TMEM117: variants seen among roughly 807,000 people sequenced by gnomAD.
TMEM117 encodes the protein transmembrane protein 117.
Under a neutral mutation model 52.4 loss-of-function variants are expected in TMEM117, and 27 were observed. The observed-to-expected ratio is 0.51, with a 90% CI of 0.38 to 0.71. The LOEUF (loss-of-function observed/expected upper bound fraction) is 0.71, where lower values mean the gene tolerates loss of function less well. Ranked by LOEUF, TMEM117 falls within the 30% of genes least tolerant of loss-of-function variation. The probability of loss-of-function intolerance (pLI) is 0.00; values close to 1 mark genes in which losing one functional copy is unlikely to be tolerated. For synonymous variants in TMEM117, 215 were observed against 206.3 expected (o/e 1.04, Z -0.36); for missense variants, 556 against 630.5 (o/e 0.88, Z 1.26).
chr12:44,181,638 AG>A (rs1949200910), intron 4 of TMEM117, among the ~76,000 whole-genome samples: 2 of 151,922 alleles, frequency 1.3e-5, no homozygotes, highest in South Asian at 4.2e-4. Flanking sequence ...TGTTTTTGTC[AG>A]GTTTGTTAAA....
chr12:44,370,368 A>T (rs555854434), intron 6 of TMEM117, among the ~76,000 whole-genome samples: 2 of 152,316 alleles, frequency 1.3e-5, no homozygotes, highest in Non-Finnish European at 2.9e-5. Context: ...TAGGGAAAAA[A>T]ATAAGACAAC....
At chr12:43,807,123 G>A in the TMEM117 span, among the ~76,000 whole-genome samples, 13 of 152,106 alleles carry the variant, frequency 8.5e-5, no homozygotes, top group Non-Finnish European at 1.9e-4. Context: ...GTTTTGTGGG[G>A]GGTTTGGTTT....
At chr12:44,330,089 C>T (rs966937284) in intron 6 of TMEM117, among the ~76,000 whole-genome samples, 4 of 151,780 alleles carry the variant, frequency 2.6e-5, no homozygotes, top group Non-Finnish European at 5.9e-5. Flanking sequence ...GAGGAAGTGC[C>T]GTACCGTTTA....
At chr12:44,010,363 G>C (rs551600986) in intron 3 of TMEM117, 25 of 387,250 alleles carry the variant, frequency 6.5e-5, no homozygotes, top group Non-Finnish European at 9.9e-5. Context: ...TTGAAGCTCT[G>C]TTCCTGCGCC....
chr12:44,106,144 G>A lies in TMEM117; in HGVS notation c.411-37381G>A, dbSNP rs536380113. Among the ~76,000 whole-genome samples the A allele has an allele frequency of 1.6e-4, 24 of 152,162 alleles. No homozygotes were observed. In the South Asian group the frequency reaches 4.6e-3, roughly 29 times the overall value. On this transcript the variant is annotated intron_variant, in intron 3 of 7. Coordinates refer to ENST00000266534, the MANE Select transcript of TMEM117 (RefSeq NM_032256.3). The stretch of plus-strand genomic sequence containing the variant: ...CCTGTCTGTCTTTCCAGTTTTGGGG[G>A]CAGCAGCTTGCACTTCTCTGACAAA...
chr12:43,837,636 C>T (rs908747268), intron 1 of TMEM117, among the ~76,000 whole-genome samples: 2 of 152,198 alleles, frequency 1.3e-5, no homozygotes, highest in African/African-American at 4.8e-5. Context: ...TGAGCCACTG[C>T]TCCGGGCTGG....
intron 3 of TMEM117, among the ~76,000 whole-genome samples, chr12:44,091,117 G>A (rs928454174): frequency 3.9e-5 from 6 of 152,088 alleles, no homozygotes; most frequent in Non-Finnish European, 7.4e-5. Flanking sequence ...GGTGGGAGGT[G>A]AAAGGCACTT....
At chr12:44,196,078 C>T (rs1052832497) in intron 4 of TMEM117, among the ~76,000 whole-genome samples, 2 of 151,930 alleles carry the variant, frequency 1.3e-5, no homozygotes, top group Non-Finnish European at 2.9e-5. Context: ...CAGAGCAAAA[C>T]TATGCCTCTT....
intron 4 of TMEM117, among the ~76,000 whole-genome samples, chr12:44,153,725 C>T (rs776414511): frequency 2.6e-5 from 4 of 151,962 alleles, no homozygotes; most frequent in Admixed American, 6.6e-5. Flanking sequence ...CAGTTGTTTG[C>T]TCCACGTATT....
At chr12:43,809,446 T>C in the TMEM117 span, among the ~76,000 whole-genome samples, 1 of 152,256 alleles carries the variant, frequency 6.6e-6, no homozygotes, top group Non-Finnish European at 1.5e-5. Flanking sequence ...ATGGTTGTCA[T>C]GAAAATCAAG....
intron 3 of TMEM117, among the ~76,000 whole-genome samples, chr12:44,025,239 T>C (rs368897659): frequency 3.9e-5 from 6 of 152,182 alleles, no homozygotes; most frequent in African/African-American, 1.2e-4. Flanking sequence ...ATGAAACAGA[T>C]GTCAAGTTGA....
intron 5 of TMEM117, among the ~76,000 whole-genome samples, chr12:44,228,700 T>C (rs2138445710): frequency 6.6e-6 from 1 of 152,182 alleles, no homozygotes; most frequent in Middle Eastern, 3.4e-3. Flanking sequence ...AAGTGCAGTA[T>C]ATAGTTAATG....
intron 3 of TMEM117, among the ~76,000 whole-genome samples, chr12:43,968,872 C>T (rs770820124): frequency 1.3e-5 from 2 of 152,098 alleles, no homozygotes; most frequent in Non-Finnish European, 2.9e-5. Context: ...CTGCAGCCTG[C>T]ACATGGGGAA....
At chr12:44,045,325 G>C (rs1367398185) in intron 3 of TMEM117, among the ~76,000 whole-genome samples, 7 of 152,184 alleles carry the variant, frequency 4.6e-5, no homozygotes, top group Non-Finnish European at 1.0e-4. Flanking sequence ...TCTTCGGGGT[G>C]ATCAGCCAGC....
At chr12:44,253,983 AT>A (rs1390135332) in intron 5 of TMEM117, among the ~76,000 whole-genome samples, 7 of 139,832 alleles carry the variant, frequency 5.0e-5, no homozygotes, top group South Asian at 2.2e-4. Context: ...TTTGATCATC[AT>A]TTTTTTTCCC....
chr12:43,956,655 A>G (rs771076531), intron 3 of TMEM117, among the ~76,000 whole-genome samples: 4 of 152,216 alleles, frequency 2.6e-5, no homozygotes, highest in Admixed American at 6.5e-5. Flanking sequence ...TCAGGAAACA[A>G]CAGATGCTGG....
intron 3 of TMEM117, among the ~76,000 whole-genome samples, chr12:44,080,867 T>C (rs1947470996): frequency 6.6e-6 from 1 of 152,212 alleles, no homozygotes. Context: ...AGAATAGAGT[T>C]GTAACAGAGA....
At chr12:43,872,617 T>C (rs565513094) in intron 2 of TMEM117, among the ~76,000 whole-genome samples, 19 of 152,318 alleles carry the variant, frequency 1.2e-4, no homozygotes, top group Admixed American at 4.6e-4. Flanking sequence ...CATGACATAT[T>C]GTACAGGAAG....
the TMEM117 span, among the ~76,000 whole-genome samples, chr12:43,796,020 T>C: frequency 6.6e-6 from 1 of 152,170 alleles, no homozygotes; most frequent in East Asian, 1.9e-4. Context: ...ACCACTACAT[T>C]CTCAAGTTGC....
Sources: gnomAD v4.1 joint callset for allele counts (sites outside exome capture counted in the v4.1 genomes callset) on GRCh38, gnomAD v4.1.1 for gene constraint, MANE v1.5 for transcripts, NCBI Gene and HGNC (gene_info 2026-07-23, HGNC 2026-07-21) for gene names.